LHFPL1: variants seen among roughly 807,000 people sequenced by gnomAD.
The protein encoded by LHFPL1 is LHFPL tetraspan subfamily member 1 protein.
LHFPL1 carries 4 observed loss-of-function variants against 12.1 expected under a neutral mutation model. The ratio of observed to expected loss-of-function variants is 0.33; its 90% CI spans 0.16 to 0.76. LHFPL1 has a LOEUF of 0.76. Ranked by LOEUF, LHFPL1 falls within the 30% of genes least tolerant of loss-of-function variation. The probability of loss-of-function intolerance (pLI) is 0.61; values close to 1 mark genes in which losing one functional copy is unlikely to be tolerated. For missense variants in LHFPL1, 141 were observed against 174.1 expected (o/e 0.81, Z 1.07); for synonymous variants, 52 against 61.9 (o/e 0.84, Z 0.75).
chrX:112,656,415 T>A (rs1569364585), intron 3 of LHFPL1, among the ~76,000 whole-genome samples: 1 of 110,777 alleles, frequency 9.0e-6, no homozygotes, highest in Non-Finnish European at 1.9e-5. Flanking sequence ...CTAACATCAA[T>A]GCTTAATGAT....
intron 2 of LHFPL1, among the ~76,000 whole-genome samples, chrX:112,669,404 A>G (rs1931428286): frequency 8.9e-6 from 1 of 112,831 alleles, no homozygotes; most frequent in Non-Finnish European, 1.9e-5. Flanking sequence ...TTAGTATTAC[A>G]GTTTTCAAAG....
intron 3 of LHFPL1, among the ~76,000 whole-genome samples, chrX:112,648,412 C>T (rs1407415373): frequency 9.0e-6 from 1 of 111,518 alleles, no homozygotes; most frequent in Non-Finnish European, 1.9e-5. Flanking sequence ...GGTTAAAATG[C>T]CACATTTCTC....
intron 3 of LHFPL1, among the ~76,000 whole-genome samples, chrX:112,638,518 C>A (rs1160167087): frequency 9.1e-6 from 1 of 110,091 alleles, no homozygotes; most frequent in African/African-American, 3.3e-5. Flanking sequence ...AGAGAGAAAT[C>A]AAAGAAGAGA....
chrX:112,665,616 A>G (rs1402322898), intron 2 of LHFPL1, among the ~76,000 whole-genome samples: 3 of 111,959 alleles, frequency 2.7e-5, no homozygotes, highest in African/African-American at 6.5e-5. Context: ...ACGTGGGAAG[A>G]TGTCCAATAG....
At chrX:112,637,357 G>A (rs753829669) in intron 3 of LHFPL1, among the ~76,000 whole-genome samples, 9 of 111,992 alleles carry the variant, frequency 8.0e-5, no homozygotes, top group Non-Finnish European at 1.3e-4. Context: ...CCCTAGAGCC[G>A]CAGTCCTATG....
chrX:112,631,750 T>A (rs760805583), intron 3 of LHFPL1, 149 bp from the exon 4 acceptor site: 60 of 386,321 alleles, frequency 1.6e-4, no homozygotes, highest in Non-Finnish European at 2.5e-4. Context: ...AAACAGCGAA[T>A]GTCCCTGGGC....
intron 1 of LHFPL1, among the ~76,000 whole-genome samples, chrX:112,677,558 G>A (rs1931684573): frequency 9.1e-6 from 1 of 110,140 alleles, no homozygotes; most frequent in Non-Finnish European, 1.9e-5. Flanking sequence ...GGTAAATAGA[G>A]TCCTGCTCCA....
intron 3 of LHFPL1, among the ~76,000 whole-genome samples, chrX:112,659,840 A>G (rs1275351076): frequency 8.9e-6 from 1 of 112,264 alleles, no homozygotes; most frequent in Non-Finnish European, 1.9e-5. Context: ...TGCACAGGGA[A>G]CAACTTTCTC....
At chrX:112,649,547 T>C (rs111249821) in intron 3 of LHFPL1, among the ~76,000 whole-genome samples, 4,703 of 111,888 alleles carry the variant, frequency 0.042, 90 homozygotes, top group Middle Eastern at 0.084. Context: ...TCTTTTGGGA[T>C]TTATTCTCTC....
chrX:112,661,096 T>C (rs1931172748), intron 2 of LHFPL1, among the ~76,000 whole-genome samples: 1 of 111,704 alleles, frequency 9.0e-6, no homozygotes, highest in Non-Finnish European at 1.9e-5. Flanking sequence ...TACTACTCTT[T>C]CCCAAAATCC....
intron 1 of LHFPL1, among the ~76,000 whole-genome samples, chrX:112,672,571 C>T (rs1931539708): frequency 8.9e-6 from 1 of 111,882 alleles, no homozygotes; most frequent in African/African-American, 3.3e-5. Flanking sequence ...CATGATTCAC[C>T]ACCATTACTT....
chrX:112,677,585 C>T (rs750295911), intron 1 of LHFPL1, among the ~76,000 whole-genome samples: 2 of 109,525 alleles, frequency 1.8e-5, no homozygotes, highest in East Asian at 2.9e-4. Flanking sequence ...CGTGTTGGAC[C>T]GATGTGACTC....
chrX:112,636,291 T>C (rs149696213), intron 3 of LHFPL1, among the ~76,000 whole-genome samples: 2,297 of 111,286 alleles, frequency 0.021, 49 homozygotes, highest in African/African-American at 0.072. Flanking sequence ...ATGGAGGATA[T>C]AGACAGAGAG....
chrX:112,651,772 G>A (rs1257423829), intron 3 of LHFPL1, among the ~76,000 whole-genome samples: 3 of 111,766 alleles, frequency 2.7e-5, no homozygotes, highest in South Asian at 3.8e-4. Flanking sequence ...TTCCACTCTC[G>A]TCACCATCCC....
chrX:112,651,927 G>A (rs1016535206), intron 3 of LHFPL1, among the ~76,000 whole-genome samples: 2 of 112,553 alleles, frequency 1.8e-5, no homozygotes, highest in Non-Finnish European at 3.8e-5. Context: ...TAATGCCTAC[G>A]TCTCTGAGAT....
chrX:112,641,405 G>A (rs779507791), intron 3 of LHFPL1, among the ~76,000 whole-genome samples: 1 of 112,014 alleles, frequency 8.9e-6, no homozygotes, highest in African/African-American at 3.2e-5. Context: ...AGAAAATAGA[G>A]ACTGAGCCCA....
chrX:112,672,511 T>C (rs151230199), intron 1 of LHFPL1, among the ~76,000 whole-genome samples: 6,137 of 111,531 alleles, frequency 0.055, 432 homozygotes, highest in African/African-American at 0.19. Flanking sequence ...ATGACAGCAC[T>C]GTGAATGTCT....
At chrX:112,650,255 C>G (rs1270147826) in intron 3 of LHFPL1, among the ~76,000 whole-genome samples, 2 of 111,457 alleles carry the variant, frequency 1.8e-5, no homozygotes, top group Non-Finnish European at 3.8e-5. Context: ...GCATCATTCT[C>G]TCTCCACTAC....
chrX:112,670,861 C>A (rs763199620), intron 2 of LHFPL1, 148 bp downstream of exon 2: 12 of 655,426 alleles, frequency 1.8e-5, no homozygotes. Context: ...AAGTCCTAGA[C>A]TAAATATTTT....
Sources: allele counts gnomAD v4.1 joint callset (sites outside exome capture counted in the v4.1 genomes callset), GRCh38; gene constraint gnomAD v4.1.1; transcripts MANE v1.5; gene names NCBI Gene and HGNC (gene_info 2026-07-23, HGNC 2026-07-21).